The following CAMK2G variants were observed in gnomAD, a reference collection of about 807,000 sequenced individuals.
CAMK2G encodes the protein calcium/calmodulin-dependent protein kinase type II subunit gamma.
Under a neutral mutation model 88.7 loss-of-function variants are expected in CAMK2G, and 23 were observed. The ratio of observed to expected loss-of-function variants is 0.26; its 90% CI spans 0.19 to 0.37. CAMK2G has a LOEUF of 0.37. CAMK2G is among the 10% of genes least tolerant of loss of function. The pLI is 1.00. For missense variants in CAMK2G, 476 were observed against 780.8 expected, an observed-to-expected ratio of 0.61 and a Z score of 4.65; for synonymous variants, 263 against 294.8, an observed-to-expected ratio of 0.89 and a Z score of 1.11.
intron 18 of CAMK2G, among the ~76,000 whole-genome samples, chr10:73,820,830 A>G (rs998267844): frequency 5.9e-5 from 9 of 151,290 alleles, no homozygotes; most frequent in African/African-American, 9.7e-5. Context: ...CTGCCACCAC[A>G]CCTGGCTAAT....
At chr10:73,824,460 C>T (rs536821593) in intron 16 of CAMK2G, among the ~76,000 whole-genome samples, 180 of 152,202 alleles carry the variant, frequency 1.2e-3, no homozygotes, top group Non-Finnish European at 2.2e-3. Context: ...GCCCCGCCCA[C>T]AGCGTTCATC....
At chr10:73,844,609 A>G (rs1328772227) in intron 10 of CAMK2G, among the ~76,000 whole-genome samples, 3 of 151,474 alleles carry the variant, frequency 2.0e-5, no homozygotes, top group Admixed American at 1.3e-4. Context: ...GAGTTTCACT[A>G]TGTTGGCCAG....
At chr10:73,818,085 G>A (rs7080350) in intron 19 of CAMK2G, 75,023 of 165,352 alleles carry the variant, frequency 0.45, 19,338 homozygotes, top group Middle Eastern at 0.63. Context: ...GGGTGCCAAA[G>A]GACCATCAGA....
At chr10:73,869,448 G>A (rs147266362) in intron 2 of CAMK2G, among the ~76,000 whole-genome samples, 2 of 152,284 alleles carry the variant, frequency 1.3e-5, no homozygotes, top group African/African-American at 2.4e-5. Flanking sequence ...TCCAGCAGCC[G>A]TATCAGGTCT....
chr10:73,848,961 G>GT lies in CAMK2G; in HGVS notation c.517+51_517+52insA. 8.9e-7 allele frequency: 1 copy of GT among 1,124,018 alleles called. No homozygotes were observed. Among genetic ancestry groups the GT allele is most frequent in the Non-Finnish European group, 1.4e-6 (1 of 732,660 alleles). 69.6% of individuals were successfully genotyped at this position (1,124,018 alleles called of 1,614,324 possible). On this transcript the variant is annotated intron_variant, in intron 7 of 22. Transcript: ENST00000423381. This position sits in a 1 kb window ranked among gnomAD's most constrained non-coding sequence, Gnocchi z 4.5. ...GTTCTAATAGAGGAAGGCAGATCAG[G>GT]AAGAGGAGGAAGGGCGGGGGCTGCA...
chr10:73,868,994 A>G (rs1441992953), intron 2 of CAMK2G, among the ~76,000 whole-genome samples: 3 of 152,206 alleles, frequency 2.0e-5, no homozygotes, highest in Admixed American at 6.5e-5. Context: ...AGAACAGCCC[A>G]TGTGCACAGA....
At chr10:73,826,668 A>G (rs923523729) in intron 15 of CAMK2G, among the ~76,000 whole-genome samples, 4 of 152,194 alleles carry the variant, frequency 2.6e-5, no homozygotes, top group Non-Finnish European at 5.9e-5. Context: ...TTCAATAGGC[A>G]GTGAGACAAA....
intron 1 of CAMK2G, among the ~76,000 whole-genome samples, chr10:73,873,723 C>CT (rs1314909462): frequency 6.9e-5 from 2 of 28,820 alleles, no homozygotes; most frequent in Non-Finnish European, 1.3e-4. Context: ...CTGGAAACGT[C>CT]TGGGGGGGCG....
At chr10:73,845,511 G>A (rs2094166648) in intron 10 of CAMK2G, among the ~76,000 whole-genome samples, 1 of 151,636 alleles carries the variant, frequency 6.6e-6, no homozygotes. Flanking sequence ...GAACCCGGGA[G>A]GCAGAGCTTG....
chr10:73,858,349 A>AGGACAGCGCAGTGGAG (rs1303708873), intron 3 of CAMK2G, among the ~76,000 whole-genome samples: 15 of 152,350 alleles, frequency 9.8e-5, no homozygotes, highest in Admixed American at 9.2e-4. Context: ...ACAGTTCTGA[A>AGGACAGCGCAGTGGAG]GGACAGCGCA....
intron 2 of CAMK2G, among the ~76,000 whole-genome samples, chr10:73,863,234 G>A (rs2095456277): frequency 6.6e-6 from 1 of 152,158 alleles, no homozygotes; most frequent in South Asian, 2.1e-4. Flanking sequence ...CTTCCTTCCT[G>A]TGCCTGGGTT....
chr10:73,820,663 ATTTTTTT>A (rs1198716305), intron 18 of CAMK2G, among the ~76,000 whole-genome samples: 20 of 46,128 alleles, frequency 4.3e-4, no homozygotes, highest in South Asian at 2.5e-3. Flanking sequence ...CACCCGGCTA[ATTTTTTT>A]TTTTTTTTTT....
chr10:73,851,304 C>A (rs1296335246), intron 5 of CAMK2G, among the ~76,000 whole-genome samples: 2 of 152,070 alleles, frequency 1.3e-5, no homozygotes, highest in Non-Finnish European at 2.9e-5. Context: ...GGGGAAGAGC[C>A]AAGGCGGGAA....
chr10:73,837,553 C>G, intron 13 of CAMK2G, 42 bp from the exon 14 acceptor site: 2 of 1,529,066 alleles, frequency 1.3e-6, no homozygotes, highest in Non-Finnish European at 1.8e-6. Flanking sequence ...TGCATTGTAC[C>G]CTCTCCCCAA....
chr10:73,874,530 C>T lies in CAMK2G; in HGVS notation c.-69G>A. On this transcript the variant is annotated 5_prime_UTR_variant, in exon 1 of 23. Coordinates refer to ENST00000423381, the MANE Select transcript of CAMK2G (RefSeq NM_001367534.1). ...CGGTGCACAGTCACCGCCGCCCGGC[C>T]GAGGGAGCAAGAGGAGGAGACGGGG... 3 of 1,157,128 alleles carry T rather than the reference C, an allele frequency of 2.6e-6. No homozygotes were observed. The highest frequency in any genetic ancestry group is 3.5e-6 in the Non-Finnish European group (3 of 859,250). The allele number at this position is 1,157,128 out of a possible 1,614,324, so 71.7% of individuals were successfully genotyped here.
At chr10:73,822,851 T>G (rs2089466567) in intron 17 of CAMK2G, among the ~76,000 whole-genome samples, 2 of 152,124 alleles carry the variant, frequency 1.3e-5, no homozygotes, top group African/African-American at 4.8e-5. Context: ...TCTGTCTAGT[T>G]TGGTGAGGTT....
intron 3 of CAMK2G, among the ~76,000 whole-genome samples, chr10:73,855,263 C>A: frequency 6.6e-6 from 1 of 152,298 alleles, no homozygotes; most frequent in Non-Finnish European, 1.5e-5. Flanking sequence ...GCTGCTCCCT[C>A]GCTTCCAAAA....
Position 73,871,032 on chromosome 10 carries a change from C to G in CAMK2G, c.160+1957G>C, listed in dbSNP as rs535227166. On this transcript the variant is annotated intron_variant, in intron 2 of 22. Transcript: ENST00000423381. ...TCTGGCTGGCATCTGTGCCTATCATCTGTGCCTCTGTCCCAAAGTCAACCT... is the reference window on the plus strand; with the variant it reads ...TCTGGCTGGCATCTGTGCCTATCATGTGTGCCTCTGTCCCAAAGTCAACCT... Among the ~76,000 whole-genome samples the G allele has an allele frequency of 6.6e-5, 10 of 152,332 alleles. No individual in the cohort carries two copies. The South Asian group carries it at 2.1e-3, about 32-fold the overall frequency.
intron 18 of CAMK2G, among the ~76,000 whole-genome samples, chr10:73,820,807 C>T (rs1198095551): frequency 3.3e-5 from 5 of 150,970 alleles, no homozygotes; most frequent in East Asian, 2.0e-4. Context: ...CGAGTAGCTA[C>T]GATTACAGGC....
Sources: allele counts gnomAD v4.1 joint callset (sites outside exome capture counted in the v4.1 genomes callset), GRCh38; gene constraint gnomAD v4.1.1; non-coding constraint Gnocchi (gnomAD v3.1); transcripts MANE v1.5; gene names NCBI Gene and HGNC (gene_info 2026-07-23, HGNC 2026-07-21).